Variants in CSMD3 observed in about 807,000 individuals in gnomAD.
CSMD3 encodes CUB and sushi domain-containing protein 3.
CSMD3 carries 177 observed loss-of-function variants against 435.2 expected under a neutral mutation model. The observed-to-expected ratio is 0.41, with a 90% confidence interval of 0.36 to 0.46. The LOEUF (loss-of-function observed/expected upper bound fraction) is 0.46, where lower values mean the gene tolerates loss of function less well. Among genes scored for constraint, CSMD3 ranks in the 20% least tolerant of loss-of-function variants. The pLI is 0.34. For missense variants in CSMD3, 4,265 were observed against 4,504.6 expected (o/e 0.95, Z 1.52); for synonymous variants, 1,656 against 1,520.5 (o/e 1.09, Z -2.07).
intron 3 of CSMD3, among the ~76,000 whole-genome samples, chr8:113,231,963 A>G (rs951252477): frequency 2.0e-5 from 3 of 151,614 alleles, no homozygotes; most frequent in Non-Finnish European, 3.0e-5. Flanking sequence ...GAGTAAAAAT[A>G]CAACACAGGG....
In CSMD3 at chr8:112,224,777, C is replaced by T. The variant is rs2129757523; in HGVS notation, c.11118G>A (p.Met3706Ile). Residue 3706 changes from methionine (M) to isoleucine (I), a missense_variant, in exon 71 of 71, where the codon ATG (methionine) becomes ATA (isoleucine). Coordinates refer to ENST00000297405, the MANE Select transcript of CSMD3 (RefSeq NM_198123.2). ...FDPNLNTVCT[M>I]V ...GAAGGCAAAGGTTGCCTCGTTATAC[C>T]ATTGTGCAAACCGTGTTCAAGTTGG... The T allele has an allele frequency of 6.2e-7, 1 of 1,613,992 alleles. No individual in the cohort carries two copies. Among genetic ancestry groups the T allele is most frequent in the Non-Finnish European group, 8.5e-7 (1 of 1,179,912 alleles).
intron 22 of CSMD3, among the ~76,000 whole-genome samples, chr8:112,603,262 A>G (rs947572331): frequency 2.0e-5 from 3 of 152,228 alleles, no homozygotes; most frequent in Non-Finnish European, 2.9e-5. Context: ...CTTCATTCCC[A>G]TGGCATTATT....
At chr8:112,976,207 T>C in intron 6 of CSMD3, 59 bp from the exon 7 acceptor site, 1 of 1,570,140 alleles carries the variant, frequency 6.4e-7, no homozygotes. Flanking sequence ...GTTTATTTTT[T>C]CTGATAAATT....
chr8:112,864,631 TA>T (rs2129947109), intron 10 of CSMD3, among the ~76,000 whole-genome samples: 1 of 152,170 alleles, frequency 6.6e-6, no homozygotes, highest in African/African-American at 2.4e-5. Flanking sequence ...GAATTATATA[TA>T]ATTTTAAAAA....
At chr8:112,946,833 T>C (rs2083626003) in intron 9 of CSMD3, among the ~76,000 whole-genome samples, 1 of 151,674 alleles carries the variant, frequency 6.6e-6, no homozygotes, top group East Asian at 1.9e-4. Context: ...GAAATTGTAT[T>C]ATTGTTTTTC....
intron 32 of CSMD3, among the ~76,000 whole-genome samples, chr8:112,419,191 C>T (rs1812219649): frequency 6.6e-6 from 1 of 151,642 alleles, no homozygotes; most frequent in African/African-American, 2.4e-5. Flanking sequence ...AGTACAATAG[C>T]AGTAAACATA....
chr8:112,762,031 T>A (rs2132151766), intron 13 of CSMD3, among the ~76,000 whole-genome samples: 1 of 152,170 alleles, frequency 6.6e-6, no homozygotes, highest in South Asian at 2.1e-4. Context: ...AACCTCAACC[T>A]TCTGGTTTAC....
intron 43 of CSMD3, among the ~76,000 whole-genome samples, chr8:112,337,122 A>G (rs1824650946): frequency 6.6e-6 from 1 of 152,178 alleles, no homozygotes; most frequent in Non-Finnish European, 1.5e-5. Context: ...AAAGACTTTA[A>G]CTTTCATTTG....
At chr8:113,419,383 G>T (rs2094598812) in intron 1 of CSMD3, among the ~76,000 whole-genome samples, 1 of 152,016 alleles carries the variant, frequency 6.6e-6, no homozygotes, top group Non-Finnish European at 1.5e-5. Flanking sequence ...CTCCCAAAGT[G>T]CTGGGATTAC....
At chr8:112,490,952 T>G (rs953121939) in intron 31 of CSMD3, among the ~76,000 whole-genome samples, 1 of 152,182 alleles carries the variant, frequency 6.6e-6, no homozygotes. Context: ...TGCCTTCTGA[T>G]AGATGAACCA....
intron 5 of CSMD3, among the ~76,000 whole-genome samples, chr8:113,087,119 T>A (rs1434294448): frequency 2.0e-5 from 3 of 152,192 alleles, no homozygotes; most frequent in Non-Finnish European, 4.4e-5. Flanking sequence ...CTACTCTTGA[T>A]CTCACTCATG....
At chr8:112,397,310 C>A (rs901864162) in intron 35 of CSMD3, among the ~76,000 whole-genome samples, 1 of 152,294 alleles carries the variant, frequency 6.6e-6, no homozygotes, top group Admixed American at 6.5e-5. Context: ...CCCCATATAT[C>A]CATCTGTCAT....
At chr8:112,674,918 T>A (rs2075739264) in intron 16 of CSMD3, among the ~76,000 whole-genome samples, 1 of 152,066 alleles carries the variant, frequency 6.6e-6, no homozygotes, top group Non-Finnish European at 1.5e-5. Flanking sequence ...GATAGATGAA[T>A]GATAGAGAAA....
At chr8:113,020,723 G>T (rs1339136631) in intron 5 of CSMD3, among the ~76,000 whole-genome samples, 1 of 152,146 alleles carries the variant, frequency 6.6e-6, no homozygotes, top group African/African-American at 2.4e-5. Flanking sequence ...AAAATAAACA[G>T]CTGATTTATT....
intron 4 of CSMD3, among the ~76,000 whole-genome samples, chr8:113,171,257 C>T (rs1427080688): frequency 6.6e-6 from 1 of 151,984 alleles, no homozygotes; most frequent in Non-Finnish European, 1.5e-5. Flanking sequence ...GTCTGCCTCT[C>T]TCTTCATCCC....
chr8:113,075,627 G>C (rs2089304780), intron 5 of CSMD3, among the ~76,000 whole-genome samples: 1 of 151,666 alleles, frequency 6.6e-6, no homozygotes, highest in African/African-American at 2.4e-5. Context: ...AGAAACATAG[G>C]CTTGCATATT....
At chr8:113,350,583 C>G (rs1276998882) in intron 1 of CSMD3, among the ~76,000 whole-genome samples, 2 of 152,050 alleles carry the variant, frequency 1.3e-5, no homozygotes, top group East Asian at 1.9e-4. Context: ...TTCAACCTCC[C>G]TAATACGGGA....
intron 7 of CSMD3, among the ~76,000 whole-genome samples, chr8:112,972,010 ATAAAAGTT>A (rs1385236927): frequency 1.3e-5 from 2 of 152,054 alleles, no homozygotes; most frequent in African/African-American, 4.8e-5. Flanking sequence ...TGTTATTTAA[ATAAAAGTT>A]ATAGTGAGTT....
intron 3 of CSMD3, among the ~76,000 whole-genome samples, chr8:113,236,335 G>A (rs998293251): frequency 1.3e-5 from 2 of 152,160 alleles, no homozygotes; most frequent in Admixed American, 1.3e-4. Context: ...GCCTCTCAGA[G>A]TGTACTTTTG....
Sources: allele counts gnomAD v4.1 joint callset (sites outside exome capture counted in the v4.1 genomes callset), GRCh38; gene constraint gnomAD v4.1.1; transcripts MANE v1.5; gene names NCBI Gene and HGNC (gene_info 2026-07-23, HGNC 2026-07-21).